KCTD7: variants seen among roughly 807,000 people sequenced by gnomAD.
KCTD7 encodes potassium channel tetramerization domain containing 7.
Under a neutral mutation model 27.0 loss-of-function variants are expected in KCTD7, and 15 were observed. The ratio of observed to expected loss-of-function variants is 0.56; its 90% confidence interval spans 0.37 to 0.86. The LOEUF (loss-of-function observed/expected upper bound fraction) is 0.86, where lower values mean the gene tolerates loss of function less well. KCTD7 is among the 40% of genes least tolerant of loss of function. The pLI is 0.00. For synonymous variants in KCTD7, 159 were observed against 162.7 expected (o/e 0.98, Z 0.17); for missense variants, 299 against 398.9 (o/e 0.75, Z 2.13).
chr7:66,629,050 C>G lies in KCTD7; in HGVS notation c.-15C>G. On this transcript the variant is annotated 5_prime_UTR_variant, in exon 1 of 4. Transcript: ENST00000639828. ...CGCCCGCCCGAAGCCGCGCCCACTG[C>G]CCAGAGCCAGAGGGATGGTGGTAGT... 6.6e-7 allele frequency: 1 copy of G among 1,504,556 alleles called. No individual in the cohort carries two copies. Among genetic ancestry groups the G allele is most frequent in the East Asian group, 2.8e-5 (1 of 35,462 alleles). The allele number at this position is 1,504,556 out of a possible 1,614,324, so 93.2% of individuals were successfully genotyped here.
rs1466995741 is a variant in KCTD7 at position 66,642,072 on chromosome 7, A to G, written c.*2840A>G. On this transcript the variant is annotated 3_prime_UTR_variant, in exon 4 of 4. Coordinates refer to ENST00000639828, the MANE Select transcript of KCTD7 (RefSeq NM_153033.5). ...GTTATCAGTGAGTCAAAGCAAAGTG[A>G]AAGTTTCAGGAGATGGGACCAATGG... The G allele has an allele frequency of 5.1e-6, 5 of 985,304 alleles. No individual in the cohort carries two copies. The Admixed American group carries it at 1.8e-4, about 36-fold the overall frequency. The allele number at this position is 985,304 out of a possible 1,614,324, so 61.0% of individuals were successfully genotyped here. A position where few individuals can be genotyped will look rare whatever the true frequency, so the allele number is the denominator to read the frequency against.
Position 66,629,456 on chromosome 7 carries a change from A to G in KCTD7, c.144+248A>G, listed in dbSNP as rs1246660512. Among the ~76,000 whole-genome samples the G allele has an allele frequency of 6.1e-5, 9 of 147,290 alleles. No homozygotes were observed. The South Asian group carries it at 1.8e-3, about 29-fold the overall frequency. ...CCCCTACACCCTCCGCCCAGTAGTC[A>G]CTGGGGTGATTTACTCCCATCGCCA... is the stretch of plus-strand genomic sequence containing the variant. On this transcript the variant is annotated intron_variant, in intron 1 of 3. Coordinates refer to ENST00000639828, the MANE Select transcript of KCTD7 (RefSeq NM_153033.5).
In KCTD7 at chr7:66,633,502, T is replaced by C. The variant is rs1786504828; in HGVS notation, c.314+58T>C. On this transcript the variant is annotated intron_variant, in intron 2 of 3. Coordinates refer to ENST00000639828, the MANE Select transcript of KCTD7 (RefSeq NM_153033.5). ...TCCTAGCAGGTGATTAGCGTAGGCT[T>C]GAGTATGGGACCTTGATATCTTCCA... The C allele has an allele frequency of 5.3e-6, 8 of 1,503,560 alleles. No homozygotes were observed. In the Admixed American group the frequency reaches 6.7e-5, roughly 13 times the overall value. 93.1% of individuals were successfully genotyped at this position (1,503,560 alleles called of 1,614,324 possible).
chr7:66,638,211 G>T (rs1378314975), intron 2 of KCTD7, 42 bp from the exon 3 acceptor site: 5 of 1,609,540 alleles, frequency 3.1e-6, no homozygotes, highest in Non-Finnish European at 4.3e-6. Context: ...CTGCCCAGGA[G>T]CATAAGCTCC....
chr7:66,632,498 A>G (rs1429245135), intron 1 of KCTD7, among the ~76,000 whole-genome samples: 3 of 150,452 alleles, frequency 2.0e-5, no homozygotes, highest in African/African-American at 7.3e-5. Context: ...CAAAAAAAAA[A>G]AAAAAAAGAA....
At position 66,642,704 on chromosome 7, in the gene KCTD7, T is replaced by G; in HGVS notation, c.*3472T>G. On this transcript the variant is annotated 3_prime_UTR_variant, in exon 4 of 4. Transcript: ENST00000639828. ...AAGGTGGTACCTGTCTCATGATCCT[T>G]AAAAGAGAGAGGCTTTTTTCATCCA... 1.0e-6 allele frequency: 1 copy of G among 985,440 alleles called. No individual in the cohort carries two copies. The highest frequency in any genetic ancestry group is 1.2e-6 in the Non-Finnish European group (1 of 829,944). 61.0% of individuals were successfully genotyped at this position (985,440 alleles called of 1,614,324 possible).
At chr7:66,643,061 CCTTT>C (rs762443097), downstream of KCTD7, 11 of 985,294 alleles carry the variant, frequency 1.1e-5, no homozygotes, top group South Asian at 4.7e-5. Context: ...GGGTGCTGTG[CCTTT>C]CTTTTTTAGA....
intron 1 of KCTD7, among the ~76,000 whole-genome samples, chr7:66,630,553 C>G (rs1786422102): frequency 6.6e-6 from 1 of 152,160 alleles, no homozygotes; most frequent in African/African-American, 2.4e-5. Context: ...AATGGAGGCC[C>G]TCAACAATTG....
intron 2 of KCTD7, among the ~76,000 whole-genome samples, chr7:66,634,958 G>T (rs1378817812): frequency 6.6e-6 from 1 of 151,478 alleles, no homozygotes; most frequent in African/African-American, 2.4e-5. Flanking sequence ...GGAGTCTGCA[G>T]TGAGCCATGA....
rs1394788249 is a variant in KCTD7, at chr7:66,638,414, T to C, written c.476T>C (p.Leu159Pro). ...AAGGTGCGCCAAGCGTTTCTGGGAC[T>C]CATGCCCTATTACAAAGGTGAGGGT... ...GEKVRQAFLG[L>P]MPYYKDHLER... The change falls in exon 3 of 4, where the codon CTC becomes CCC. Residue 159 changes from leucine to proline, a missense_variant. Coordinates refer to ENST00000639828, the MANE Select transcript of KCTD7 (RefSeq NM_153033.5). The C allele has an allele frequency of 6.2e-7, 1 of 1,614,028 alleles. No individual in the cohort carries two copies. Among genetic ancestry groups the C allele is most frequent in the African/African-American group, 1.3e-5 (1 of 74,904 alleles).
rs756308299 is a variant in KCTD7, at chr7:66,642,355, A to G, written c.*3123A>G. On this transcript the variant is annotated 3_prime_UTR_variant, in exon 4 of 4. Transcript: ENST00000639828. ...TTTCTGTTCTTCTTTCCTGGGGCTT[A>G]GGATATTCTGGGAGCTGTCTGAGCC... 3.0e-6 allele frequency: 3 copies of G among 985,428 alleles called. No individual in the cohort carries two copies. Among genetic ancestry groups the G allele is most frequent in the Non-Finnish European group, 3.6e-6 (3 of 829,934 alleles). 61.0% of individuals were successfully genotyped at this position (985,428 alleles called of 1,614,324 possible).
intron 2 of KCTD7, among the ~76,000 whole-genome samples, chr7:66,634,159 C>T (rs1786525510): frequency 7.5e-6 from 1 of 133,682 alleles, no homozygotes; most frequent in Middle Eastern, 3.8e-3. Flanking sequence ...AGCTCTGATG[C>T]ACTGAGGCTT....
In KCTD7 at chr7:66,640,292, T is replaced by G. The variant is rs1388419327; in HGVS notation, c.*1060T>G. ...CCGTAGGAAGACAAAACTTCCCTTTTGTTTTACTCCTCACTCCTCTATTTT... is the reference window on the plus strand; with the variant it reads ...CCGTAGGAAGACAAAACTTCCCTTTGGTTTTACTCCTCACTCCTCTATTTT... On this transcript the variant is annotated 3_prime_UTR_variant, in exon 4 of 4. Coordinates refer to ENST00000639828, the MANE Select transcript of KCTD7 (RefSeq NM_153033.5). 18 of 1,522,118 alleles carry G rather than the reference T, an allele frequency of 1.2e-5. No individual in the cohort carries two copies. The highest frequency in any genetic ancestry group is 2.0e-5 in the Admixed American group (1 of 49,096). The allele number at this position is 1,522,118 out of a possible 1,614,324, so 94.3% of individuals were successfully genotyped here.
At position 66,628,956 on chromosome 7, in the gene KCTD7, CCAG is replaced by C. The variant is rs1786375796; in HGVS notation, c.-107_-105del. ...CGCACTGCCTCTCGCCCCCCTCCGG[CCAG>C]CCCGCAGCCGGCCGCGTCATGCCAG... On this transcript the variant is annotated 5_prime_UTR_variant, in exon 1 of 4. Coordinates refer to ENST00000639828, the MANE Select transcript of KCTD7 (RefSeq NM_153033.5). 1 of 1,186,388 alleles carries C rather than the reference CCAG, an allele frequency of 8.4e-7. No homozygotes were observed. The highest frequency in any genetic ancestry group is 3.3e-5 in the East Asian group (1 of 29,994). 73.5% of individuals were successfully genotyped at this position (1,186,388 alleles called of 1,614,324 possible). A position where few individuals can be genotyped will look rare whatever the true frequency, so the allele number is the denominator to read the frequency against.
Position 66,639,190 on chromosome 7 carries a change from C to T in KCTD7, c.828C>T (p.Tyr276=), listed in dbSNP as rs1786655559. ...VCDKHLVNHY[Y]CKRPIYEFKI... ...ACAAGCACCTCGTGAACCACTACTA[C>T]TGCAAGCGCCCCATCTATGAGTTCA... The change falls in exon 4 of 4, where the codon TAC becomes TAT. Residue 276 remains tyrosine, a synonymous_variant. Transcript: ENST00000639828. 1.2e-6 allele frequency: 2 copies of T among 1,613,836 alleles called. No individual in the cohort carries two copies. The highest frequency in any genetic ancestry group is 4.5e-5 in the East Asian group (2 of 44,884).
chr7:66,632,249 A>T (rs912170243), intron 1 of KCTD7, among the ~76,000 whole-genome samples: 3 of 152,132 alleles, frequency 2.0e-5, no homozygotes, highest in African/African-American at 7.2e-5. Context: ...GCACTTGGGG[A>T]GGCCAAGGCG....
chr7:66,634,008 TTTATTTATTTA>T (rs1786514983), intron 2 of KCTD7, among the ~76,000 whole-genome samples: 1 of 151,024 alleles, frequency 6.6e-6, no homozygotes, highest in African/African-American at 2.4e-5. Context: ...AAATTTCATT[TTTATTTATTTA>T]TTATTTATTT....
At chr7:66,637,469 A>T (rs1046885400) in intron 2 of KCTD7, among the ~76,000 whole-genome samples, 1 of 152,206 alleles carries the variant, frequency 6.6e-6, no homozygotes, top group Non-Finnish European at 1.5e-5. Context: ...CATCAACAAG[A>T]CAACAGGGTA....
Position 66,629,171 on chromosome 7 carries a change from C to T in KCTD7, c.107C>T (p.Thr36Met), listed in dbSNP as rs773209854. The T allele has an allele frequency of 7.9e-6, 12 of 1,519,902 alleles. No homozygotes were observed. In the East Asian group the frequency reaches 1.7e-4, roughly 21 times the overall value. 94.2% of individuals were successfully genotyped at this position (1,519,902 alleles called of 1,614,324 possible). A position where few individuals can be genotyped will look rare whatever the true frequency, so the allele number is the denominator to read the frequency against. Residue 36 changes from threonine (T) to methionine (M), a missense_variant, in exon 1 of 4, where the codon ACG (threonine) becomes ATG (methionine). Thr to Met is a moderately conservative substitution (Grantham distance 81). Coordinates refer to ENST00000639828, the MANE Select transcript of KCTD7 (RefSeq NM_153033.5). ...CTGGAGCCGGCCACGCCGACGGCCA[C>T]GCAGGCGGGGCACGCGCTGCCCCTG... ...DFLEPATPTA[T>M]QAGHALPLLP...
Sources: allele counts gnomAD v4.1 joint callset (sites outside exome capture counted in the v4.1 genomes callset), GRCh38; gene constraint gnomAD v4.1.1; transcripts MANE v1.5; gene names NCBI Gene and HGNC (gene_info 2026-07-23, HGNC 2026-07-21).